TOR3A: variants seen among roughly 807,000 people sequenced by gnomAD.
TOR3A encodes the protein torsin family 3 member A.
TOR3A carries 44 observed loss-of-function variants against 42.1 expected under a neutral mutation model. The ratio of observed to expected loss-of-function variants is 1.04; its 90% CI spans 0.82 to 1.34. TOR3A has a LOEUF of 1.34. Ranked by LOEUF, TOR3A falls within the 40% of genes most tolerant of loss-of-function variation. The pLI, the probability that TOR3A is intolerant of heterozygous loss-of-function variation, is 0.00. For missense variants in TOR3A, 521 were observed against 507.6 expected, an observed-to-expected ratio of 1.03 and a Z score of -0.25; for synonymous variants, 227 against 213.2, an observed-to-expected ratio of 1.06 and a Z score of -0.57.
Position 179,089,016 on chromosome 1 carries a change from A to T in TOR3A, c.818+927A>T, listed in dbSNP as rs560440506. Among the ~76,000 whole-genome samples, 24 of 151,782 alleles carry T rather than the reference A, an allele frequency of 1.6e-4. No homozygotes were observed. The East Asian group carries it at 2.7e-3, about 17-fold the overall frequency. Reference sequence around the variant, plus strand: ...CAGGGCTCACTTTGTGAGGATGGGGAAGTTGGTGAGGGGATGCTGATTTTC... The same window carrying T: ...CAGGGCTCACTTTGTGAGGATGGGGTAGTTGGTGAGGGGATGCTGATTTTC... On this transcript the variant is annotated intron_variant, in intron 4 of 5. Coordinates refer to ENST00000367627, the MANE Select transcript of TOR3A (RefSeq NM_022371.4).
chr1:179,085,815 C>G lies in TOR3A; in HGVS notation c.561C>G (p.Asp187Glu), dbSNP rs369007016. The change falls in exon 3 of 6, where the codon GAC (aspartate) becomes GAG (glutamate). Residue 187 changes from aspartate to glutamate, a missense_variant. Transcript: ENST00000367627. ...TGCTGGTGGAGAACCTGTATCGGGACGGGCTGATGAGTGACTGTGTCAGGA... is the reference window on the plus strand; with the variant it reads ...TGCTGGTGGAGAACCTGTATCGGGAGGGGCTGATGAGTGACTGTGTCAGGA... Reference protein sequence around the residue: ...ARMLVENLYRDGLMSDCVRMF... With the variant: ...ARMLVENLYREGLMSDCVRMF... The G allele has an allele frequency of 5.6e-6, 9 of 1,614,042 alleles. No individual in the cohort carries two copies. The African/African-American group carries it at 1.1e-4, about 19-fold the overall frequency.
rs183378323 is a variant in TOR3A, at chr1:179,082,935, T to A, written c.260-5T>A. 6.4e-7 allele frequency: 1 copy of A among 1,557,336 alleles called. No individual in the cohort carries two copies. The highest frequency in any genetic ancestry group is 8.7e-7 in the Non-Finnish European group (1 of 1,150,610). On this transcript the variant is annotated splice_region_variant and splice_polypyrimidine_tract_variant and intron_variant, in intron 1 of 5. Transcript: ENST00000367627. ...CTCTCGGTCTCACAGCTCCTCCTTTTCCAGGCTGGCGCCTTCCTCTGTTGG... is the reference window on the plus strand; with the variant it reads ...CTCTCGGTCTCACAGCTCCTCCTTTACCAGGCTGGCGCCTTCCTCTGTTGG...
chr1:179,089,603 C>G (rs1652523733), intron 4 of TOR3A, among the ~76,000 whole-genome samples: 1 of 152,214 alleles, frequency 6.6e-6, no homozygotes, highest in Non-Finnish European at 1.5e-5. Flanking sequence ...CAGCCGGGCT[C>G]ACCTCTCCTC....
Position 179,095,306 on chromosome 1 carries a change from T to G in TOR3A, c.*88T>G. 6.4e-7 allele frequency: 1 copy of G among 1,566,748 alleles called. No homozygotes were observed. The highest frequency in any genetic ancestry group is 1.2e-5 in the South Asian group (1 of 82,680). ...GAGCACCCCGTTTGGGACTGTGAGG[T>G]GTTTGAGGGTGTGGACTGGCATCCA... On this transcript the variant is annotated 3_prime_UTR_variant, in exon 6 of 6. Transcript: ENST00000367627.
chr1:179,090,914 G>A (rs1652563746), intron 4 of TOR3A, among the ~76,000 whole-genome samples: 1 of 152,176 alleles, frequency 6.6e-6, no homozygotes, highest in African/African-American at 2.4e-5. Flanking sequence ...AAAGGACTTT[G>A]AAAAATTACA....
Position 179,082,205 on chromosome 1 carries a change from C to T in TOR3A, c.77C>T (p.Ala26Val), listed in dbSNP as rs1652304864. 12 of 1,507,716 alleles carry T rather than the reference C, an allele frequency of 8.0e-6. No homozygotes were observed. Among genetic ancestry groups the T allele is most frequent in the Admixed American group, 2.2e-5 (1 of 46,200 alleles). The allele number at this position is 1,507,716 out of a possible 1,614,324, so 93.4% of individuals were successfully genotyped here. Reference protein sequence around the residue: ...LLPGAPEPRGASRPWEGTDEP... With the variant: ...LLPGAPEPRGVSRPWEGTDEP... ...CCGGGCGCGCCTGAGCCCCGCGGCG[C>T]CTCCAGGCCGTGGGAGGGAACCGAC... The change falls in exon 1 of 6, where the codon GCC (alanine) becomes GTC (valine). Residue 26 changes from alanine (A) to valine (V), a missense_variant. Coordinates refer to ENST00000367627, the MANE Select transcript of TOR3A (RefSeq NM_022371.4).
chr1:179,090,305 G>A (rs1236857724), intron 4 of TOR3A, among the ~76,000 whole-genome samples: 4 of 152,230 alleles, frequency 2.6e-5, no homozygotes, highest in Non-Finnish European at 5.9e-5. Flanking sequence ...GCCGAGGGCT[G>A]GGCTGACATA....
At chr1:179,087,449 C>G (rs1389900061) in intron 3 of TOR3A, among the ~76,000 whole-genome samples, 1 of 152,210 alleles carries the variant, frequency 6.6e-6, no homozygotes, top group African/African-American at 2.4e-5. Flanking sequence ...AAGCTCAACT[C>G]CTATCCACCC....
At chr1:179,094,560 G>C (rs760578928) in intron 5 of TOR3A, among the ~76,000 whole-genome samples, 1 of 152,166 alleles carries the variant, frequency 6.6e-6, no homozygotes, top group Non-Finnish European at 1.5e-5. Flanking sequence ...CTGGAGTTGA[G>C]AGATGAGATC....
At position 179,095,302 on chromosome 1, in the gene TOR3A, G is replaced by A. The variant is rs1184928640; in HGVS notation, c.*84G>A. On this transcript the variant is annotated 3_prime_UTR_variant, in exon 6 of 6. Coordinates refer to ENST00000367627, the MANE Select transcript of TOR3A (RefSeq NM_022371.4). ...GTAGGAGCACCCCGTTTGGGACTGT[G>A]AGGTGTTTGAGGGTGTGGACTGGCA... The A allele has an allele frequency of 6.3e-7, 1 of 1,575,526 alleles. No individual in the cohort carries two copies. The highest frequency in any genetic ancestry group is 1.2e-5 in the South Asian group (1 of 83,888).
chr1:179,092,191 C>A (rs558900855), intron 4 of TOR3A, among the ~76,000 whole-genome samples: 1 of 152,316 alleles, frequency 6.6e-6, no homozygotes, highest in Admixed American at 6.5e-5. Flanking sequence ...ATGGTGGAGG[C>A]AGGGAGGGAG....
chr1:179,095,007 T>G lies in TOR3A; in HGVS notation c.983T>G (p.Leu328Arg). 1 of 1,614,210 alleles carries G rather than the reference T, an allele frequency of 6.2e-7. No individual in the cohort carries two copies. The highest frequency in any genetic ancestry group is 1.3e-5 in the African/African-American group (1 of 75,066). The change falls in exon 6 of 6, where the codon CTG becomes CGG. Residue 328 changes from leucine (L) to arginine (R), a missense_variant. Physicochemically the swap from Leu to Arg is moderately radical, Grantham distance 102. Coordinates refer to ENST00000367627, the MANE Select transcript of TOR3A (RefSeq NM_022371.4). The stretch of plus-strand genomic sequence containing the variant: ...CACAGCCGTCTTGTGAAGGAAAACC[T>G]GATTGACTACTTCATCCCCTTCCTG... ...FGHSRLVKEN[L>R]IDYFIPFLPL...
At chr1:179,085,927 T>A (rs1256534139) in intron 3 of TOR3A, 34 bp downstream of exon 3, 17 of 1,599,898 alleles carry the variant, frequency 1.1e-5, no homozygotes, top group Non-Finnish European at 1.4e-5. Flanking sequence ...GAGGCCTCTG[T>A]GCTGGGAGGG....
At chr1:179,085,153 G>A (rs1341749402) in intron 2 of TOR3A, among the ~76,000 whole-genome samples, 1 of 152,194 alleles carries the variant, frequency 6.6e-6, no homozygotes, top group Non-Finnish European at 1.5e-5. Context: ...GAGGCTGGGC[G>A]CAATGGCTCA....
At chr1:179,092,841 C>CAAAAAAAAAAAAAAAA (rs1349060090) in intron 4 of TOR3A, among the ~76,000 whole-genome samples, 1 of 146,070 alleles carries the variant, frequency 6.8e-6, no homozygotes. Context: ...AACTCTGTCT[C>CAAAAAAAAAAAAAAAA]AAGAAAAAAA....
chr1:179,083,077 G>T, intron 2 of TOR3A, 24 bp downstream of exon 2: 1 of 1,414,918 alleles, frequency 7.1e-7, no homozygotes, highest in South Asian at 1.4e-5. Context: ...TGGCTTCAAG[G>T]GGCTAGGGAT....
At chr1:179,091,993 G>T (rs1211823532) in intron 4 of TOR3A, among the ~76,000 whole-genome samples, 1 of 152,246 alleles carries the variant, frequency 6.6e-6, no homozygotes, top group Non-Finnish European at 1.5e-5. Context: ...CCTTGAGCAA[G>T]CACTGCAGAT....
In TOR3A at chr1:179,095,902, CG is replaced by C. The variant is rs1403885437; in HGVS notation, c.*689del. On this transcript the variant is annotated 3_prime_UTR_variant, in exon 6 of 6. Coordinates refer to ENST00000367627, the MANE Select transcript of TOR3A (RefSeq NM_022371.4). ...AAGACTTATGGTCTACAGATTTTGGCGGGGGAGGGGGGACCTTTTCAAAGAC... is the reference window on the plus strand; with the variant it reads ...AAGACTTATGGTCTACAGATTTTGGCGGGGAGGGGGGACCTTTTCAAAGAC... 3.1e-6 allele frequency: 3 copies of C among 977,826 alleles called. No individual in the cohort carries two copies. The highest frequency in any genetic ancestry group is 1.2e-4 in the East Asian group (1 of 8,596). The allele number at this position is 977,826 out of a possible 1,614,324, so 60.6% of individuals were successfully genotyped here. A position where few individuals can be genotyped will look rare whatever the true frequency, so the allele number is the denominator to read the frequency against.
At chr1:179,092,254 C>G (rs953208346) in intron 4 of TOR3A, among the ~76,000 whole-genome samples, 1 of 152,204 alleles carries the variant, frequency 6.6e-6, no homozygotes, top group African/African-American at 2.4e-5. Context: ...GCCTAGTCAA[C>G]AGGGTGTGGT....
Sources: allele counts gnomAD v4.1 joint callset (sites outside exome capture counted in the v4.1 genomes callset), GRCh38; gene constraint gnomAD v4.1.1; transcripts MANE v1.5; gene names NCBI Gene and HGNC (gene_info 2026-07-23, HGNC 2026-07-21).